The following MON2 variants were observed in gnomAD, a reference collection of about 807,000 sequenced individuals.
MON2 encodes MON2 regulator of endosome-to-Golgi trafficking.
In MON2, 84 loss-of-function variants were observed where a neutral mutation model predicts 208.6. That is an observed-to-expected ratio of 0.40 (90% confidence interval 0.34 to 0.48). The LOEUF (loss-of-function observed/expected upper bound fraction) is 0.48. MON2 is among the 20% of genes least tolerant of loss of function. The probability of loss-of-function intolerance (pLI) is 0.59; values close to 1 mark genes in which losing one functional copy is unlikely to be tolerated. For synonymous variants in MON2, 660 were observed against 694.0 expected, an observed-to-expected ratio of 0.95 and a Z score of 0.77; for missense variants, 1,611 against 2,015.4, an observed-to-expected ratio of 0.80 and a Z score of 3.84.
At position 62,499,746 on chromosome 12, in the gene MON2, A is replaced by G. The variant is rs565412822; in HGVS notation, c.565+698A>G. Among the ~76,000 whole-genome samples, 98 of 151,912 alleles carry G rather than the reference A, an allele frequency of 6.5e-4. 1 individual carries two copies. Among genetic ancestry groups the G allele is most frequent in the African/African-American group, 2.3e-3 (95 of 41,446 alleles). On this transcript the variant is annotated intron_variant, in intron 5 of 34. Transcript: ENST00000393630. ...AAATCAGCTGGGTGTGGTGGTGTGCACCTGTAGTCCCAGCTACTCCAGAGG... is the reference window on the plus strand; with the variant it reads ...AAATCAGCTGGGTGTGGTGGTGTGCGCCTGTAGTCCCAGCTACTCCAGAGG...
Position 62,538,492 on chromosome 12 carries a change from A to C in MON2, c.2351A>C (p.Tyr784Ser), listed in dbSNP as rs1342181708. The C allele has an allele frequency of 2.5e-6, 4 of 1,597,566 alleles. No homozygotes were observed. Among genetic ancestry groups the C allele is most frequent in the Non-Finnish European group, 3.4e-6 (4 of 1,165,872 alleles). ...TCTCTAGAAGCAATGGATATGGCCT[A>C]TGGAAATAATAAGGTGTGATATTCT... ...SLSLEAMDMA[Y>S]GNNKEPSLFA... Residue 784 changes from tyrosine to serine, a missense_variant, in exon 19 of 35, where the codon TAT (tyrosine) becomes TCT (serine). Transcript: ENST00000393630.
chr12:62,592,775 G>T lies in MON2; in HGVS notation c.*26G>T, dbSNP rs768491776. 1.3e-6 allele frequency: 2 copies of T among 1,531,188 alleles called. No individual in the cohort carries two copies. Among genetic ancestry groups the T allele is most frequent in the Admixed American group, 3.5e-5 (2 of 56,472 alleles). 94.9% of individuals were successfully genotyped at this position (1,531,188 alleles called of 1,614,324 possible). A position where few individuals can be genotyped will look rare whatever the true frequency, so the allele number is the denominator to read the frequency against. On this transcript the variant is annotated 3_prime_UTR_variant, in exon 35 of 35. Transcript: ENST00000393630. ...CCGGCTACAATATATTTGAAAGCAG[G>T]AAGATAGTCTAAAAAATGTTTGCTC...
intron 8 of MON2, among the ~76,000 whole-genome samples, chr12:62,521,436 G>A (rs953485721): frequency 2.0e-5 from 3 of 152,086 alleles, no homozygotes; most frequent in Non-Finnish European, 4.4e-5. Flanking sequence ...CAGCCATTTG[G>A]CCCACGTGCA....
Position 62,549,752 on chromosome 12 carries a change from A to G in MON2, c.2838A>G (p.Gln946=), listed in dbSNP as rs2073662271. ...CAACAATGCCTTGTACTTGCCTGCA[A>G]ATAGTTGTAGATGTTGCAGGTAGCT... ...FLPTMPCTCL[Q]IVVDVAGSFG... The change falls in exon 23 of 35, where the codon CAA becomes CAG. Residue 946 remains glutamine, a synonymous_variant. Coordinates refer to ENST00000393630, the MANE Select transcript of MON2 (RefSeq NM_015026.3). The G allele has an allele frequency of 6.2e-7, 1 of 1,613,314 alleles. No individual in the cohort carries two copies. Among genetic ancestry groups the G allele is most frequent in the Admixed American group, 1.7e-5 (1 of 59,878 alleles).
intron 8 of MON2, among the ~76,000 whole-genome samples, chr12:62,523,982 ATACT>A (rs2072203540): frequency 6.6e-6 from 1 of 152,132 alleles, no homozygotes; most frequent in Admixed American, 6.5e-5. Flanking sequence ...ATGATAATTA[ATACT>A]TAATTAGCAG....
At chr12:62,528,724 T>C (rs1447822897) in intron 11 of MON2, among the ~76,000 whole-genome samples, 1 of 152,224 alleles carries the variant, frequency 6.6e-6, no homozygotes. Context: ...TCTTTGAGAA[T>C]AGGAATTTGT....
rs370541225 is a variant in MON2 at position 62,565,344 on chromosome 12, G to A, written c.4140G>A (p.Leu1380=). 6.2e-7 allele frequency: 1 copy of A among 1,610,240 alleles called. No individual in the cohort carries two copies. Among genetic ancestry groups the A allele is most frequent in the Admixed American group, 1.7e-5 (1 of 59,234 alleles). Residue 1380 remains leucine (L), a synonymous_variant, in exon 27 of 35, where the codon CTG becomes CTA. Transcript: ENST00000393630. ...GTAAACCTCCACAGTATGGACAGCT[G>A]GAAACAAAGCACATTGCAAATGCAA... ...FSCKPPQYGQ[L]ETKHIANAKY...
intron 20 of MON2, 72 bp from the exon 21 acceptor site, chr12:62,544,826 T>C: frequency 2.6e-6 from 4 of 1,567,322 alleles, no homozygotes; most frequent in Non-Finnish European, 3.5e-6. Flanking sequence ...GAACATTTGA[T>C]ATAAAATGTA....
intron 8 of MON2, among the ~76,000 whole-genome samples, chr12:62,511,944 G>A (rs1235490229): frequency 6.6e-6 from 1 of 152,134 alleles, no homozygotes; most frequent in Non-Finnish European, 1.5e-5. Flanking sequence ...AAGGTGAAAG[G>A]CACATCTCAC....
intron 1 of MON2, among the ~76,000 whole-genome samples, chr12:62,469,607 T>G (rs955952697): frequency 2.6e-5 from 4 of 152,186 alleles, no homozygotes; most frequent in African/African-American, 9.6e-5. Context: ...AGAGAGTCAT[T>G]AGCCTAATTA....
At chr12:62,578,971 C>T (rs1484627819) in intron 31 of MON2, among the ~76,000 whole-genome samples, 3 of 151,976 alleles carry the variant, frequency 2.0e-5, no homozygotes, top group Non-Finnish European at 2.9e-5. Flanking sequence ...AACTGTGACT[C>T]GTACTTGTAA....
At position 62,594,688 on chromosome 12, in the gene MON2, T is replaced by G. The variant is rs1047332510; in HGVS notation, c.*1939T>G. On this transcript the variant is annotated 3_prime_UTR_variant, in exon 35 of 35. Transcript: ENST00000393630. The stretch of plus-strand genomic sequence containing the variant: ...ATCAGTTGCAATTAGGATAATTAAA[T>G]AGTTAAATATGAGTCAAGTGTATGC... 2 of 152,230 alleles carry G rather than the reference T, an allele frequency of 1.3e-5. No homozygotes were observed. Among genetic ancestry groups the G allele is most frequent in the African/African-American group, 4.8e-5 (2 of 41,466 alleles). The allele number at this position is 152,230 out of a possible 1,614,324, so 9.4% of individuals were successfully genotyped here. A position where few individuals can be genotyped will look rare whatever the true frequency, so the allele number is the denominator to read the frequency against.
intron 34 of MON2, chr12:62,588,949 CTTT>C: frequency 6.9e-6 from 9 of 1,306,700 alleles, no homozygotes; most frequent in Non-Finnish European, 9.3e-6. Flanking sequence ...GAATGCAAAG[CTTT>C]TTTATGTGTA....
intron 4 of MON2, among the ~76,000 whole-genome samples, chr12:62,496,150 A>C (rs940292729): frequency 6.6e-6 from 1 of 152,056 alleles, no homozygotes; most frequent in Non-Finnish European, 1.5e-5. Context: ...TCATAATGAG[A>C]TTTTAACTGC....
intron 32 of MON2, among the ~76,000 whole-genome samples, chr12:62,580,740 A>G (rs761141540): frequency 6.6e-6 from 1 of 152,326 alleles, no homozygotes; most frequent in East Asian, 1.9e-4. Context: ...TATGGAATCC[A>G]TGGATGTCAC....
At chr12:62,494,118 C>A in intron 3 of MON2, 76 bp downstream of exon 3, 2 of 1,289,290 alleles carry the variant, frequency 1.6e-6, no homozygotes, top group Admixed American at 2.2e-5. Context: ...TGAAACATAC[C>A]TGATATTTAA....
intron 4 of MON2, among the ~76,000 whole-genome samples, chr12:62,498,472 T>C (rs768404589): frequency 6.6e-6 from 1 of 152,214 alleles, no homozygotes; most frequent in Non-Finnish European, 1.5e-5. Flanking sequence ...TAAGGGATTC[T>C]ATAATTTATT....
intron 27 of MON2, 126 bp from the exon 28 acceptor site, chr12:62,565,888 T>C: frequency 1.3e-6 from 1 of 783,658 alleles, no homozygotes; most frequent in Non-Finnish European, 2.0e-6. Flanking sequence ...AATTTCTGAA[T>C]GCATGCCCAT....
chr12:62,556,575 T>G (rs1179984848), intron 25 of MON2, among the ~76,000 whole-genome samples: 1 of 152,114 alleles, frequency 6.6e-6, no homozygotes, highest in Non-Finnish European at 1.5e-5. Context: ...AAGTAGGAGT[T>G]CATCAGGCAA....
Sources: allele counts gnomAD v4.1 joint callset (sites outside exome capture counted in the v4.1 genomes callset), GRCh38; gene constraint gnomAD v4.1.1; transcripts MANE v1.5; gene names NCBI Gene and HGNC (gene_info 2026-07-23, HGNC 2026-07-21).